ENTREP2: variants seen among roughly 807,000 people sequenced by gnomAD.
ENTREP2 encodes the protein protein ENTREP2.
chr15:29,618,818 C>T, the ENTREP2 span, among the ~76,000 whole-genome samples: 1 of 152,124 alleles, frequency 6.6e-6, no homozygotes. Flanking sequence ...AGGAGAGACA[C>T]ACAGGAGGGT....
chr15:29,343,377 G>C, the ENTREP2 span, among the ~76,000 whole-genome samples: 1 of 152,050 alleles, frequency 6.6e-6, no homozygotes, highest in Non-Finnish European at 1.5e-5. Flanking sequence ...CAAAGACTGA[G>C]GTTCCCCAAG....
At chr15:29,624,196 C>T in the ENTREP2 span, among the ~76,000 whole-genome samples, 2 of 152,332 alleles carry the variant, frequency 1.3e-5, no homozygotes, top group Middle Eastern at 3.4e-3. Flanking sequence ...AGTTATTCTA[C>T]GATTCACACA....
the ENTREP2 span, among the ~76,000 whole-genome samples, chr15:29,445,474 A>G: frequency 8.6e-4 from 131 of 152,278 alleles, 5 homozygotes; most frequent in East Asian, 0.024. Context: ...CCAACAACCA[A>G]TGATGTAATC....
the ENTREP2 span, among the ~76,000 whole-genome samples, chr15:29,184,576 TCCTCATGGAAATCATGAAGTCCG>T: frequency 7.0e-3 from 1,073 of 152,278 alleles, 14 homozygotes; most frequent in African/African-American, 0.025. Flanking sequence ...TTTTCCCATC[TCCTCATGGAAATCATGAAGTCCG>T]CCTCATGGAC....
At chr15:29,253,723 G>A in the ENTREP2 span, among the ~76,000 whole-genome samples, 1 of 152,018 alleles carries the variant, frequency 6.6e-6, no homozygotes, top group Non-Finnish European at 1.5e-5. Context: ...TTACAGGCAT[G>A]AGCCACCACG....
chr15:29,484,986 T>C, the ENTREP2 span, among the ~76,000 whole-genome samples: 1 of 152,190 alleles, frequency 6.6e-6, no homozygotes, highest in East Asian at 1.9e-4. Context: ...GCATGAAAGC[T>C]TTAACCCCAA....
the ENTREP2 span, among the ~76,000 whole-genome samples, chr15:29,458,761 T>G: frequency 3.0e-4 from 46 of 151,836 alleles, 2 homozygotes; most frequent in South Asian, 9.3e-3. Flanking sequence ...AACACAAACG[T>G]TTTTTTCTGG....
chr15:29,191,880 C>A, the ENTREP2 span, among the ~76,000 whole-genome samples: 1 of 152,172 alleles, frequency 6.6e-6, no homozygotes, highest in Non-Finnish European at 1.5e-5. Flanking sequence ...CGCCACTGCA[C>A]TCAACCTGGG....
the ENTREP2 span, among the ~76,000 whole-genome samples, chr15:29,314,242 A>C: frequency 6.6e-6 from 1 of 152,254 alleles, no homozygotes; most frequent in African/African-American, 2.4e-5. Flanking sequence ...GCAGGGTTAG[A>C]GGACTGACTC....
the ENTREP2 span, among the ~76,000 whole-genome samples, chr15:29,566,687 C>A: frequency 1.3e-5 from 2 of 152,276 alleles, no homozygotes; most frequent in South Asian, 4.1e-4. Context: ...CAACTCCTGA[C>A]TTCCAGTGGT....
chr15:29,408,307 A>C, the ENTREP2 span, among the ~76,000 whole-genome samples: 2 of 152,152 alleles, frequency 1.3e-5, no homozygotes, highest in African/African-American at 4.8e-5. Flanking sequence ...GGGAGACACA[A>C]AAATAAGAGT....
At chr15:29,389,583 C>T in the ENTREP2 span, among the ~76,000 whole-genome samples, 43 of 152,306 alleles carry the variant, frequency 2.8e-4, no homozygotes, top group Middle Eastern at 3.4e-3. Flanking sequence ...AACAGGAATG[C>T]ACCCAGGATT....
chr15:29,418,057 C>T, the ENTREP2 span, among the ~76,000 whole-genome samples: 1 of 152,170 alleles, frequency 6.6e-6, no homozygotes, highest in African/African-American at 2.4e-5. Flanking sequence ...TCAGAATTTA[C>T]AGCAAATGTG....
At chr15:29,408,231 T>A in the ENTREP2 span, among the ~76,000 whole-genome samples, 11 of 152,156 alleles carry the variant, frequency 7.2e-5, no homozygotes, top group East Asian at 2.1e-3. Context: ...GCACAGGGGA[T>A]CCAGCAGTTT....
At chr15:29,478,544 TGGG>T in the ENTREP2 span, among the ~76,000 whole-genome samples, 3 of 152,136 alleles carry the variant, frequency 2.0e-5, no homozygotes, top group African/African-American at 7.2e-5. Context: ...GTTTGGATCA[TGGG>T]GGCAGATCCC....
the ENTREP2 span, among the ~76,000 whole-genome samples, chr15:29,592,344 T>C: frequency 6.6e-6 from 1 of 152,202 alleles, no homozygotes; most frequent in Non-Finnish European, 1.5e-5. Flanking sequence ...TATAACAGAA[T>C]ACCTGAAACT....
the ENTREP2 span, among the ~76,000 whole-genome samples, chr15:29,333,205 A>G: frequency 6.6e-6 from 1 of 152,132 alleles, no homozygotes; most frequent in African/African-American, 2.4e-5. Context: ...AACCAGGGAG[A>G]GGCCAGAGAG....
the ENTREP2 span, among the ~76,000 whole-genome samples, chr15:29,396,254 T>TC: frequency 6.6e-6 from 1 of 151,814 alleles, no homozygotes; most frequent in Non-Finnish European, 1.5e-5. Flanking sequence ...GACCAACATC[T>TC]CCCCTTTCCC....
At chr15:29,469,932 G>A in the ENTREP2 span, among the ~76,000 whole-genome samples, 1 of 152,132 alleles carries the variant, frequency 6.6e-6, no homozygotes, top group Non-Finnish European at 1.5e-5. Context: ...TACCACTAAA[G>A]AAGTACTTTT....
Sources: gnomAD v4.1 joint callset for allele counts (sites outside exome capture counted in the v4.1 genomes callset) on GRCh38, gnomAD v4.1.1 for gene constraint, MANE v1.5 for transcripts, NCBI Gene and HGNC (gene_info 2026-07-23, HGNC 2026-07-21) for gene names.